RP1L1: variants seen among roughly 807,000 people sequenced by gnomAD.
RP1L1 encodes retinitis pigmentosa 1-like 1 protein.
Under a neutral mutation model 15.7 loss-of-function variants are expected in RP1L1, and 27 were observed. The observed-to-expected ratio is 1.72, with a 90% CI of 1.27 to 2.38. The LOEUF is 2.38. RP1L1 is among the 30% of genes most tolerant of loss of function. RP1L1 has a pLI of 0.00. For missense variants in RP1L1, 4,798 were observed against 3,075.9 expected (o/e 1.56, Z -13.24); for synonymous variants, 1,813 against 1,276.7 (o/e 1.42, Z -8.96).
At position 10,613,157 on chromosome 8, in the gene RP1L1, C is replaced by G. The variant is rs758498873; in HGVS notation, c.941G>C (p.Arg314Pro). The G allele has an allele frequency of 2.5e-6, 4 of 1,613,736 alleles. No individual in the cohort carries two copies. The highest frequency in any genetic ancestry group is 3.4e-6 in the Non-Finnish European group (4 of 1,180,042). Residue 314 changes from arginine to proline, a missense_variant, in exon 4 of 4, where the codon CGC becomes CCC. Transcript: ENST00000382483. ...GGACAGGCTGCCGTCCTCATTCATGCGGACCTTCTTCTTCATGTCATCGCC... is the reference window on the plus strand; with the variant it reads ...GGACAGGCTGCCGTCCTCATTCATGGGGACCTTCTTCTTCATGTCATCGCC... ...VAGDDMKKKV[R>P]MNEDGSLSVE...
chr8:10,606,873 T>C lies in RP1L1; in HGVS notation c.*22A>G, dbSNP rs778619755. On this transcript the variant is annotated 3_prime_UTR_variant, in exon 4 of 4. Transcript: ENST00000382483. ...AAAAACAGAGCTCCCAAGCTCGTGA[T>C]TGTTTTCTAGCTTGATCTTGTCTAG... 9.3e-6 allele frequency: 15 copies of C among 1,614,080 alleles called. No individual in the cohort carries two copies. Among genetic ancestry groups the C allele is most frequent in the Non-Finnish European group, 1.1e-5 (13 of 1,180,028 alleles).
At chr8:10,627,323 G>A (rs763444669) in intron 1 of RP1L1, among the ~76,000 whole-genome samples, 1 of 152,146 alleles carries the variant, frequency 6.6e-6, no homozygotes, top group Non-Finnish European at 1.5e-5. Context: ...GGAAAATCTG[G>A]CCCATGCTGC....
Position 10,609,923 on chromosome 8 carries a change from T to G in RP1L1, c.4175A>C (p.Glu1392Ala), listed in dbSNP as rs768203204. 1.3e-5 allele frequency: 21 copies of G among 1,613,870 alleles called. No individual in the cohort carries two copies. Among genetic ancestry groups the G allele is most frequent in the Non-Finnish European group, 1.6e-5 (19 of 1,180,010 alleles). ...EGGLQGEALE[E>A]GLKEEGLPEE... Reference sequence around the variant, plus strand: ...TGGAAGTCCTTCCTCTTTGAGACCCTCTTCAAGAGCCTCTCCTTGCAGTCC... The same window carrying G: ...TGGAAGTCCTTCCTCTTTGAGACCCGCTTCAAGAGCCTCTCCTTGCAGTCC... The change falls in exon 4 of 4, where the codon GAG becomes GCG. Residue 1392 changes from glutamate (E) to alanine (A), a missense_variant. By Grantham distance (107) the Glu-to-Ala change is moderately radical (BLOSUM62 -1). Transcript: ENST00000382483.
At chr8:10,644,564 T>TC (rs1270116228) in intron 1 of RP1L1, among the ~76,000 whole-genome samples, 1 of 152,184 alleles carries the variant, frequency 6.6e-6, no homozygotes, top group Admixed American at 6.5e-5. Flanking sequence ...AACCAGTCCT[T>TC]CCCCTCTCTA....
At chr8:10,641,952 G>C (rs1347657864) in intron 1 of RP1L1, among the ~76,000 whole-genome samples, 1 of 152,190 alleles carries the variant, frequency 6.6e-6, no homozygotes, top group Non-Finnish European at 1.5e-5. Context: ...TGGGAGGGAA[G>C]TGGATGTGGC....
At chr8:10,624,806 C>G (rs1219968646) in intron 1 of RP1L1, among the ~76,000 whole-genome samples, 1 of 152,166 alleles carries the variant, frequency 6.6e-6, no homozygotes, top group South Asian at 2.1e-4. Flanking sequence ...TTCAGTTCCA[C>G]GAGCCGACAA....
At position 10,611,509 on chromosome 8, in the gene RP1L1, G is replaced by C. The variant is rs778799216; in HGVS notation, c.2589C>G (p.Pro863=). The change falls in exon 4 of 4, where the codon CCC becomes CCG. Residue 863 remains proline (P), a synonymous_variant. Transcript: ENST00000382483. ...CPTPPRGRPC[P]QRRSSSCGST... ...TCCCACAGCTGGAAGAGCGCCTCTG[G>C]GGGCAGGGCCGCCCCCTGGGCGGGG... 2 of 1,578,426 alleles carry C rather than the reference G, an allele frequency of 1.3e-6. No homozygotes were observed. The highest frequency in any genetic ancestry group is 1.1e-5 in the South Asian group (1 of 87,794).
intron 1 of RP1L1, among the ~76,000 whole-genome samples, chr8:10,643,801 G>T (rs1256335378): frequency 6.6e-6 from 1 of 152,058 alleles, no homozygotes; most frequent in Non-Finnish European, 1.5e-5. Context: ...CTGGGCAGGT[G>T]GTGGTGCGGG....
intron 1 of RP1L1, among the ~76,000 whole-genome samples, chr8:10,631,375 A>ATT (rs1798247231): frequency 1.6e-4 from 1 of 6,192 alleles, no homozygotes; most frequent in African/African-American, 3.4e-4. Context: ...ACACATGCAC[A>ATT]CAAACACACA....
chr8:10,646,564 G>A (rs907206778), intron 1 of RP1L1, among the ~76,000 whole-genome samples: 1 of 152,134 alleles, frequency 6.6e-6, no homozygotes, highest in African/African-American at 2.4e-5. Context: ...TCCAGACAGA[G>A]CAGAGGATAA....
intron 1 of RP1L1, among the ~76,000 whole-genome samples, chr8:10,643,909 G>C (rs1798440629): frequency 6.6e-6 from 1 of 151,878 alleles, no homozygotes; most frequent in African/African-American, 2.4e-5. Flanking sequence ...GCAAGACCAG[G>C]GCAACAAAAT....
chr8:10,608,329 C>T lies in RP1L1; in HGVS notation c.5769G>A (p.Glu1923=), dbSNP rs749881681. The T allele has an allele frequency of 6.2e-7, 1 of 1,613,590 alleles. No homozygotes were observed. The highest frequency in any genetic ancestry group is 8.5e-7 in the Non-Finnish European group (1 of 1,179,922). Residue 1923 remains glutamate (E), a synonymous_variant, in exon 4 of 4, where the codon GAG becomes GAA. Transcript: ENST00000382483. ...KEAQPETESV[E]ALETEGEDEP... ...CGTCCTCCCCTTCAGTCTCCAGGGC[C>T]TCTACACTTTCTGTCTCTGGCTGGG...
In RP1L1 at chr8:10,609,688, G is replaced by A. The variant is rs574428319; in HGVS notation, c.4410C>T (p.Gly1470=). The A allele has an allele frequency of 2.5e-6, 4 of 1,612,984 alleles. No individual in the cohort carries two copies. Among genetic ancestry groups the A allele is most frequent in the East Asian group, 4.5e-5 (2 of 44,872 alleles). The part of the protein sequence containing the change: ...TDPSASERQS[G]SQLEPGLEKP... ...TTTCCAAACCAGGCTCAAGCTGGGA[G>A]CCACTCTGCCTCTCGCTGGCACTTG... Residue 1470 remains glycine, a synonymous_variant, in exon 4 of 4, where the codon GGC becomes GGT. Transcript: ENST00000382483.
At chr8:10,616,173 G>T (rs967849552) in intron 3 of RP1L1, among the ~76,000 whole-genome samples, 1 of 151,934 alleles carries the variant, frequency 6.6e-6, no homozygotes, top group African/African-American at 2.4e-5. Flanking sequence ...GCCCCCAAAC[G>T]GCTGGAATTA....
chr8:10,645,282 G>A (rs951358632), intron 1 of RP1L1, among the ~76,000 whole-genome samples: 5 of 152,102 alleles, frequency 3.3e-5, no homozygotes, highest in Admixed American at 6.5e-5. Context: ...AGCTATGATC[G>A]CCCCACTGCA....
Position 10,612,169 on chromosome 8 carries a change from G to A in RP1L1, c.1929C>T (p.Ser643=), listed in dbSNP as rs1183116796. The A allele has an allele frequency of 1.9e-6, 3 of 1,613,470 alleles. No homozygotes were observed. The South Asian group carries it at 3.3e-5, about 18-fold the overall frequency. The stretch of plus-strand genomic sequence containing the variant: ...TGGGTGAGGACATTGCACTGGCCCG[G>A]CTTCTGTGCCTTCTCTGCCCCTGCT... ...SSQQGQRRHR[S]RASAMSSPSS... Residue 643 remains serine, a synonymous_variant, in exon 4 of 4, where the codon AGC becomes AGT. Coordinates refer to ENST00000382483, the MANE Select transcript of RP1L1 (RefSeq NM_178857.6).
At chr8:10,631,419 A>G (rs1172927565) in intron 1 of RP1L1, among the ~76,000 whole-genome samples, 3 of 150,112 alleles carry the variant, frequency 2.0e-5, no homozygotes, top group Non-Finnish European at 4.5e-5. Flanking sequence ...ACACACGCAC[A>G]CACACATGCG....
rs544426828 is a variant in RP1L1, at chr8:10,632,550, T to A, written c.-19-9330A>T. Among the ~76,000 whole-genome samples, 9 of 152,330 alleles carry A rather than the reference T, an allele frequency of 5.9e-5. No homozygotes were observed. In the East Asian group the frequency reaches 1.4e-3, roughly 23 times the overall value. On this transcript the variant is annotated intron_variant, in intron 1 of 3. Transcript: ENST00000382483. The stretch of plus-strand genomic sequence containing the variant: ...GCCTGCAGCTCCTTGTCTCCGCTCC[T>A]CTCATTCTCCTGCCAACTCACGGCC...
chr8:10,646,232 G>A (rs1798476195), intron 1 of RP1L1, among the ~76,000 whole-genome samples: 1 of 152,204 alleles, frequency 6.6e-6, no homozygotes, highest in South Asian at 2.1e-4. Flanking sequence ...ACACACTCCT[G>A]AAGAAGACGC....
Sources: allele counts gnomAD v4.1 joint callset (sites outside exome capture counted in the v4.1 genomes callset), GRCh38; gene constraint gnomAD v4.1.1; transcripts MANE v1.5; gene names NCBI Gene and HGNC (gene_info 2026-07-23, HGNC 2026-07-21).